Variants in DAPK1 observed in about 807,000 individuals in gnomAD.
The protein encoded by DAPK1 is death associated protein kinase 1.
In DAPK1, 56 loss-of-function variants were observed where a neutral mutation model predicts 144.9. That is an observed-to-expected ratio of 0.39 (90% CI 0.31 to 0.48). The LOEUF (loss-of-function observed/expected upper bound fraction) is 0.48, where lower values mean the gene tolerates loss of function less well. Ranked by LOEUF, DAPK1 falls within the 20% of genes least tolerant of loss-of-function variation. The pLI, the probability that DAPK1 is intolerant of heterozygous loss-of-function variation, is 0.95. For missense variants in DAPK1, 1,454 were observed against 1,875.4 expected (o/e 0.78, Z 4.15); for synonymous variants, 690 against 749.0 (o/e 0.92, Z 1.29).
chr9:87,550,109 A>C (rs1345308060), intron 2 of DAPK1, among the ~76,000 whole-genome samples: 1 of 152,204 alleles, frequency 6.6e-6, no homozygotes, highest in Non-Finnish European at 1.5e-5. Flanking sequence ...CCTGGGTAAC[A>C]TGAACCCCTG....
chr9:87,648,963 G>C, intron 15 of DAPK1, 84 bp downstream of exon 15: 1 of 1,219,462 alleles, frequency 8.2e-7, no homozygotes, highest in East Asian at 2.4e-5. Context: ...GGCCTTTAGA[G>C]TTTTATCCAA....
chr9:87,633,996 T>C (rs935192185), intron 3 of DAPK1, among the ~76,000 whole-genome samples: 1 of 152,258 alleles, frequency 6.6e-6, no homozygotes, highest in Non-Finnish European at 1.5e-5. Context: ...GGGGCCAGAA[T>C]GACCCTTGAG....
chr9:87,705,918 G>A (rs1202039351), intron 25 of DAPK1, among the ~76,000 whole-genome samples: 1 of 151,674 alleles, frequency 6.6e-6, no homozygotes, highest in Non-Finnish European at 1.5e-5. Flanking sequence ...CAGGGGAGTT[G>A]TTTTTCAGAA....
chr9:87,678,420 G>A (rs1216062673), intron 19 of DAPK1, among the ~76,000 whole-genome samples: 1 of 152,236 alleles, frequency 6.6e-6, no homozygotes, highest in African/African-American at 2.4e-5. Flanking sequence ...CAGGATCACT[G>A]AGTGCAACCC....
intron 7 of DAPK1, among the ~76,000 whole-genome samples, 175 bp downstream of exon 7, chr9:87,639,990 A>G (rs1402233871): frequency 6.6e-6 from 1 of 152,188 alleles, no homozygotes; most frequent in Non-Finnish European, 1.5e-5. Context: ...ATGTTCTCCT[A>G]ATTTGAAATG....
intron 3 of DAPK1, among the ~76,000 whole-genome samples, chr9:87,636,075 T>C (rs879639274): frequency 2.0e-5 from 3 of 151,816 alleles, no homozygotes; most frequent in Non-Finnish European, 4.4e-5. Flanking sequence ...CCTTGTTCCG[T>C]GGGCAGACAG....
At chr9:87,645,863 ACT>A (rs768693686) in intron 11 of DAPK1, 30 bp from the exon 12 acceptor site, 6 of 1,610,898 alleles carry the variant, frequency 3.7e-6, no homozygotes, top group Middle Eastern at 3.3e-4. Flanking sequence ...TAGCAATGTA[ACT>A]CTGTTTCCAT....
chr9:87,497,662 T>A (rs1310292338), upstream of DAPK1: 1 of 174,188 alleles, frequency 5.7e-6, no homozygotes, highest in Non-Finnish European at 1.2e-5. Context: ...CGAGTGGGTG[T>A]GTGCGGGGTG....
At position 87,706,416 on chromosome 9, in the gene DAPK1, C is replaced by G; in HGVS notation, c.3345C>G (p.Ser1115=). The part of the protein sequence containing the change: ...ALIKTDNLHR[S]WADEEDEVMV... ...TCAAGACAGACAACCTGCACCGCTC[C>G]TGGGCTGATGAGGAGGACGAGGTGA... Residue 1115 remains serine (S), a synonymous_variant, in exon 26 of 26, where the codon TCC becomes TCG. Coordinates refer to ENST00000408954, the MANE Select transcript of DAPK1 (RefSeq NM_004938.4). The surrounding 1 kb of genome is among the most constrained non-coding windows in gnomAD (Gnocchi z 9.0). The G allele has an allele frequency of 1.2e-6, 2 of 1,613,438 alleles. No individual in the cohort carries two copies. Among genetic ancestry groups the G allele is most frequent in the Non-Finnish European group, 1.7e-6 (2 of 1,179,642 alleles).
intron 3 of DAPK1, among the ~76,000 whole-genome samples, chr9:87,614,827 C>T (rs555066753): frequency 6.6e-6 from 1 of 152,306 alleles, no homozygotes; most frequent in South Asian, 2.1e-4. Context: ...CCTTCCAGGC[C>T]CTGGGACTGC....
intron 2 of DAPK1, among the ~76,000 whole-genome samples, chr9:87,559,568 G>A (rs1427405094): frequency 6.6e-6 from 1 of 152,152 alleles, no homozygotes; most frequent in Non-Finnish European, 1.5e-5. Flanking sequence ...GCAGCTGAGG[G>A]CCCTCCCAGG....
chr9:87,624,033 C>T (rs36209083), intron 3 of DAPK1, among the ~76,000 whole-genome samples: 1 of 152,160 alleles, frequency 6.6e-6, no homozygotes, highest in Non-Finnish European at 1.5e-5. Flanking sequence ...TTCTGAGATT[C>T]TATTGCTACA....
intron 10 of DAPK1, 24 bp from the exon 11 acceptor site, chr9:87,643,347 CTTTTT>C: frequency 2.3e-5 from 23 of 1,001,750 alleles, no homozygotes; most frequent in Admixed American, 2.8e-5. Context: ...CCCGCCCTCC[CTTTTT>C]TTTTTTTTTT....
rs577141266 is a variant in DAPK1 at position 87,610,580 on chromosome 9, T to C, written c.284+5405T>C. On this transcript the variant is annotated intron_variant, in intron 3 of 25. Coordinates refer to ENST00000408954, the MANE Select transcript of DAPK1 (RefSeq NM_004938.4). ...AGGTATTTTGGTCTGTGGATAGTTA[T>C]GCATTTTTCTGTCTAGCTGTTGTCT... Among the ~76,000 whole-genome samples, 11 of 152,382 alleles carry C rather than the reference T, an allele frequency of 7.2e-5. No individual in the cohort carries two copies. The South Asian group carries it at 1.0e-3, about 14-fold the overall frequency.
Position 87,696,360 on chromosome 9 carries a change from G to C in DAPK1, c.2414-647G>C, listed in dbSNP as rs868401542. Among the ~76,000 whole-genome samples, 23 of 151,966 alleles carry C rather than the reference G, an allele frequency of 1.5e-4. 1 individual carries two copies. The highest frequency in any genetic ancestry group is 4.4e-4 in the African/African-American group (18 of 41,334). On this transcript the variant is annotated intron_variant, in intron 21 of 25. Coordinates refer to ENST00000408954, the MANE Select transcript of DAPK1 (RefSeq NM_004938.4). ...AGACATAAGTAGAAAAACAGACATGGATATACATGCTGTAGATATGTACGC... is the reference window on the plus strand; with the variant it reads ...AGACATAAGTAGAAAAACAGACATGCATATACATGCTGTAGATATGTACGC...
At chr9:87,581,440 T>C (rs567901413) in intron 2 of DAPK1, among the ~76,000 whole-genome samples, 81 of 152,068 alleles carry the variant, frequency 5.3e-4, no homozygotes, top group African/African-American at 2.0e-3. Flanking sequence ...AAAAAAAAAC[T>C]TAGTTAATTT....
chr9:87,652,933 A>T (rs79341033), intron 17 of DAPK1, among the ~76,000 whole-genome samples: 765 of 28,882 alleles, frequency 0.026, no homozygotes, highest in Admixed American at 0.036. Flanking sequence ...TCTCACCTGA[A>T]CCCGGGTCCT....
intron 2 of DAPK1, among the ~76,000 whole-genome samples, chr9:87,537,840 T>A (rs1332751323): frequency 6.6e-6 from 1 of 152,112 alleles, no homozygotes; most frequent in East Asian, 1.9e-4. Context: ...CCTCATAAAA[T>A]CAAGCCCCTA....
chr9:87,638,896 T>G (rs576468861), intron 4 of DAPK1, among the ~76,000 whole-genome samples: 3 of 152,338 alleles, frequency 2.0e-5, no homozygotes, highest in African/African-American at 7.2e-5. Context: ...CCTGGCATCT[T>G]GTTTCTGGCC....
Sources: gnomAD v4.1 joint callset for allele counts (sites outside exome capture counted in the v4.1 genomes callset) on GRCh38, gnomAD v4.1.1 for gene constraint, Gnocchi (gnomAD v3.1) non-coding constraint, MANE v1.5 for transcripts, NCBI Gene and HGNC (gene_info 2026-07-23, HGNC 2026-07-21) for gene names.